Variants in SRGAP1 observed in about 807,000 individuals in gnomAD.
The protein encoded by SRGAP1 is SLIT-ROBO Rho GTPase activating protein 1, also known as SLIT-ROBO Rho GTPase-activating protein 1.
In SRGAP1, 43 loss-of-function variants were observed where a neutral mutation model predicts 121.9. The ratio of observed to expected loss-of-function variants is 0.35; its 90% CI spans 0.28 to 0.46. The LOEUF is 0.46. SRGAP1 is among the 20% of genes least tolerant of loss of function. The probability of loss-of-function intolerance (pLI) is 1.00; values close to 1 mark genes in which losing one functional copy is unlikely to be tolerated. For missense variants in SRGAP1, 1,102 were observed against 1,350.9 expected, an observed-to-expected ratio of 0.82 and a Z score of 2.89; for synonymous variants, 447 against 485.4, an observed-to-expected ratio of 0.92 and a Z score of 1.04.
rs1175132178 is a variant in SRGAP1, at chr12:64,127,616, G to A, written c.2432G>A (p.Ser811Asn). 2.5e-6 allele frequency: 4 copies of A among 1,613,814 alleles called. No individual in the cohort carries two copies. The African/African-American group carries it at 5.3e-5, about 22-fold the overall frequency. The change falls in exon 20 of 22, where the codon AGC becomes AAC. Residue 811 changes from serine to asparagine, a missense_variant. Coordinates refer to ENST00000355086, the MANE Select transcript of SRGAP1 (RefSeq NM_020762.4). The part of the protein sequence containing the change: ...DMDDTFSDTL[S>N]QKADSEASSG... ...GATGATACGTTTTCAGACACTCTGA[G>A]CCAAAAAGCCGACAGTGAGGCCAGC...
At chr12:63,972,261 G>A (rs1004919015) in intron 1 of SRGAP1, among the ~76,000 whole-genome samples, 2 of 152,162 alleles carry the variant, frequency 1.3e-5, no homozygotes, top group African/African-American at 4.8e-5. Flanking sequence ...CTTTGTCAGT[G>A]TTTTAGATTA....
intron 4 of SRGAP1, among the ~76,000 whole-genome samples, chr12:64,028,788 C>A (rs548613626): frequency 6.6e-6 from 1 of 152,298 alleles, no homozygotes; most frequent in Non-Finnish European, 1.5e-5. Context: ...CCTGTCATCA[C>A]CTTGGGAAGT....
chr12:63,960,641 AT>A (rs1471647502), intron 1 of SRGAP1, among the ~76,000 whole-genome samples: 2 of 152,140 alleles, frequency 1.3e-5, no homozygotes, highest in East Asian at 3.9e-4. Flanking sequence ...ATCACCTTAT[AT>A]GGCAAAAGGG....
At position 63,871,904 on chromosome 12, in the gene SRGAP1, T is replaced by TA. The variant is rs1191844846; in HGVS notation, c.67+27021_67+27022insA. ...TAGCCTTCTTCCAGAAAATTGGCTTTGTCTGCCCACCATAGCCACTCTGCT... is the reference window on the plus strand; with the variant it reads ...TAGCCTTCTTCCAGAAAATTGGCTTTAGTCTGCCCACCATAGCCACTCTGCT... On this transcript the variant is annotated intron_variant, in intron 1 of 21. Coordinates refer to ENST00000355086, the MANE Select transcript of SRGAP1 (RefSeq NM_020762.4). The TA allele has an allele frequency of 1.1e-5, 16 of 1,454,838 alleles. No homozygotes were observed. The Middle Eastern group carries it at 5.8e-4, about 52-fold the overall frequency. 90.1% of individuals were successfully genotyped at this position (1,454,838 alleles called of 1,614,324 possible). A position where few individuals can be genotyped will look rare whatever the true frequency, so the allele number is the denominator to read the frequency against.
chr12:63,851,215 C>A (rs190976289), intron 1 of SRGAP1, among the ~76,000 whole-genome samples: 1 of 152,248 alleles, frequency 6.6e-6, no homozygotes, highest in East Asian at 1.9e-4. Context: ...CAGCTCAGAA[C>A]TACTTTCTAA....
At position 63,971,787 on chromosome 12, in the gene SRGAP1, C is replaced by CT. The variant is rs201325762; in HGVS notation, c.68-12152dup. Among the ~76,000 whole-genome samples, 796 of 150,834 alleles carry CT rather than the reference C, an allele frequency of 5.3e-3. 5 individuals carry two copies. The highest frequency in any genetic ancestry group is 0.018 in the African/African-American group (729 of 41,108). ...GGGTGTGTGTGTGTGTGTGTGTGAT[C>CT]TTTTTTTTAGCTGAAAAAATAATTG... is the stretch of plus-strand genomic sequence containing the variant. On this transcript the variant is annotated intron_variant, in intron 1 of 21. Transcript: ENST00000355086.
chr12:63,966,770 G>A lies in SRGAP1; in HGVS notation c.68-17177G>A, dbSNP rs1420020336. ...AAATGGGTGGTGATACTGGAAGCTG[G>A]TTTTGTGCACTCCAAGTCTGGAGGA... On this transcript the variant is annotated intron_variant, in intron 1 of 21. Transcript: ENST00000355086. Among the ~76,000 whole-genome samples the A allele has an allele frequency of 2.6e-5, 4 of 152,262 alleles. No individual in the cohort carries two copies. The South Asian group carries it at 6.2e-4, about 24-fold the overall frequency.
chr12:64,079,971 A>C (rs1311318685), intron 9 of SRGAP1, among the ~76,000 whole-genome samples: 1 of 152,140 alleles, frequency 6.6e-6, no homozygotes, highest in South Asian at 2.1e-4. Context: ...GGCTGGGTGC[A>C]GTGGCTCACG....
At chr12:63,873,742 C>T (rs1019132398) in intron 1 of SRGAP1, among the ~76,000 whole-genome samples, 6 of 150,506 alleles carry the variant, frequency 4.0e-5, no homozygotes, top group African/African-American at 9.7e-5. Flanking sequence ...AATCTCAGTT[C>T]GCTGCAACCT....
intron 1 of SRGAP1, among the ~76,000 whole-genome samples, chr12:63,978,897 G>T (rs138006733): frequency 0.01 from 1,556 of 152,250 alleles, 19 homozygotes; most frequent in Non-Finnish European, 0.016. Flanking sequence ...AGCCATTCTA[G>T]TGAGTGTGAA....
intron 3 of SRGAP1, among the ~76,000 whole-genome samples, chr12:64,016,394 G>A (rs1043254886): frequency 6.6e-6 from 1 of 152,118 alleles, no homozygotes; most frequent in Admixed American, 6.5e-5. Context: ...GGCTGAGGTG[G>A]GAGGATTGCT....
At position 64,126,026 on chromosome 12, in the gene SRGAP1, T is replaced by G; in HGVS notation, c.2274T>G (p.Ser758=). The G allele has an allele frequency of 6.2e-7, 1 of 1,613,848 alleles. No homozygotes were observed. The highest frequency in any genetic ancestry group is 8.5e-7 in the Non-Finnish European group (1 of 1,179,910). The change falls in exon 19 of 22, where the codon TCT becomes TCG. Residue 758 remains serine, a synonymous_variant. Transcript: ENST00000355086. ...CCAAGTTTGACTATGTTGGGCGGTC[T>G]GCCAGAGAACTATCCTTCAAGAAGG... ...AIAKFDYVGR[S]ARELSFKKGA... is the part of the protein sequence containing the mutation.
chr12:63,862,647 G>A (rs1219748069), intron 1 of SRGAP1, among the ~76,000 whole-genome samples: 1 of 152,180 alleles, frequency 6.6e-6, no homozygotes, highest in African/African-American at 2.4e-5. Context: ...GTTTTCACCA[G>A]TGGAATTCAG....
intron 1 of SRGAP1, chr12:63,872,144 A>T: frequency 2.2e-6 from 1 of 460,364 alleles, no homozygotes; most frequent in Non-Finnish European, 4.0e-6. Flanking sequence ...TTTTTCTTTA[A>T]ATGGAACATT....
intron 4 of SRGAP1, among the ~76,000 whole-genome samples, chr12:64,041,861 C>A (rs2035031964): frequency 7.5e-6 from 1 of 133,496 alleles, no homozygotes; most frequent in Non-Finnish European, 1.6e-5. Flanking sequence ...TTTTTATTTT[C>A]TTTATTTTCT....
At chr12:63,919,193 G>A (rs2030930015) in intron 1 of SRGAP1, among the ~76,000 whole-genome samples, 1 of 151,962 alleles carries the variant, frequency 6.6e-6, no homozygotes, top group Non-Finnish European at 1.5e-5. Context: ...TGGAAGCTGG[G>A]ACTACAGGCA....
intron 1 of SRGAP1, among the ~76,000 whole-genome samples, chr12:63,950,528 G>A (rs987560802): frequency 6.6e-6 from 1 of 152,046 alleles, no homozygotes; most frequent in African/African-American, 2.4e-5. Flanking sequence ...TGGTGTCTAG[G>A]TGGGCCCTTC....
chr12:63,932,577 A>G (rs973025379), intron 1 of SRGAP1, among the ~76,000 whole-genome samples: 2 of 152,212 alleles, frequency 1.3e-5, no homozygotes, highest in African/African-American at 4.8e-5. Context: ...TTTAATAAAT[A>G]ATAACAAGTA....
chr12:64,132,278 A>C (rs1443864892), intron 21 of SRGAP1, among the ~76,000 whole-genome samples: 1 of 152,192 alleles, frequency 6.6e-6, no homozygotes, highest in Non-Finnish European at 1.5e-5. Context: ...CAAAGGCTCT[A>C]AACAGCATCC....
Sources: allele counts gnomAD v4.1 joint callset (sites outside exome capture counted in the v4.1 genomes callset), GRCh38; gene constraint gnomAD v4.1.1; transcripts MANE v1.5; gene names NCBI Gene and HGNC (gene_info 2026-07-23, HGNC 2026-07-21).